SLC47A2: variants seen among roughly 807,000 people sequenced by gnomAD.
SLC47A2 encodes the protein solute carrier family 47 member 2, also known as multidrug and toxin extrusion protein 2.
A neutral mutation model predicts 67.7 loss-of-function variants in SLC47A2; 52 were observed. The observed-to-expected ratio is 0.77, with a 90% CI of 0.61 to 0.97. The LOEUF (loss-of-function observed/expected upper bound fraction) is 0.97. Ranked by LOEUF, SLC47A2 falls within the 50% of genes least tolerant of loss-of-function variation. The pLI is 0.00. For synonymous variants in SLC47A2, 278 were observed against 292.9 expected (o/e 0.95, Z 0.52); for missense variants, 676 against 712.3 (o/e 0.95, Z 0.58).
intron 11 of SLC47A2, among the ~76,000 whole-genome samples, chr17:19,703,723 G>A (rs984624124): frequency 9.9e-5 from 15 of 152,220 alleles, no homozygotes; most frequent in African/African-American, 3.4e-4. Flanking sequence ...CTGGACAGCT[G>A]GAAGGAGAGT....
intron 5 of SLC47A2, 28 bp from the exon 6 acceptor site, chr17:19,708,788 C>T (rs776847937): frequency 1.9e-6 from 3 of 1,613,642 alleles, no homozygotes; most frequent in South Asian, 2.2e-5. Flanking sequence ...CCAAACAAAT[C>T]AACAATAATG....
rs571828174 is a variant in SLC47A2, at chr17:19,685,921, C to T, written c.1165-4251G>A. On this transcript the variant is annotated intron_variant, in intron 13 of 16. Transcript: ENST00000433844. The surrounding 1 kb of genome is among the most constrained non-coding windows in gnomAD (Gnocchi z 4.5). ...TTAAAGTTTTTCTTAATTTTCTCTGCTTGTTTGTTTTTGCAATCAGTATTT... is the reference window on the plus strand; with the variant it reads ...TTAAAGTTTTTCTTAATTTTCTCTGTTTGTTTGTTTTTGCAATCAGTATTT... Among the ~76,000 whole-genome samples the T allele has an allele frequency of 2.0e-5, 3 of 152,204 alleles. No individual in the cohort carries two copies. Among genetic ancestry groups the T allele is most frequent in the African/African-American group, 7.2e-5 (3 of 41,522 alleles).
Position 19,702,694 on chromosome 17 carries a change from G to A in SLC47A2, c.1095-20C>T, listed in dbSNP as rs776115846. On this transcript the variant is annotated intron_variant, in intron 12 of 16. Coordinates refer to ENST00000433844, the MANE Select transcript of SLC47A2 (RefSeq NM_001099646.3). Reference sequence around the variant, plus strand: ...ACATCTCTGCAGAAGAAATGAGAAAGCATTAAGACACAGATGTATCCTTTG... The same window carrying A: ...ACATCTCTGCAGAAGAAATGAGAAAACATTAAGACACAGATGTATCCTTTG... 1.2e-5 allele frequency: 19 copies of A among 1,612,988 alleles called. No homozygotes were observed. Among genetic ancestry groups the A allele is most frequent in the Non-Finnish European group, 1.4e-5 (17 of 1,179,546 alleles).
chr17:19,704,157 C>A lies in SLC47A2; in HGVS notation c.931G>T (p.Gly311Trp). Residue 311 changes from glycine to tryptophan, a missense_variant, in exon 11 of 17, where the codon GGG becomes TGG. Gly to Trp is a radical substitution (Grantham distance 184). Transcript: ENST00000433844. Reference sequence around the variant, plus strand: ...GCCATCCCCACTCGGACACAGACCCCGATGCTGAGCCCCAAGGGAATCTGG... The same window carrying A: ...GCCATCCCCACTCGGACACAGACCCAGATGCTGAGCCCCAAGGGAATCTGG... ...TYMIPLGLSI[G>W]VCVRVGMALG... is the part of the protein sequence containing the mutation. 6.2e-7 allele frequency: 1 copy of A among 1,610,408 alleles called. No individual in the cohort carries two copies. The highest frequency in any genetic ancestry group is 8.5e-7 in the Non-Finnish European group (1 of 1,178,946).
intron 13 of SLC47A2, 81 bp from the exon 14 acceptor site, chr17:19,681,751 C>T: frequency 6.6e-7 from 1 of 1,513,736 alleles, no homozygotes. Flanking sequence ...CTGTGCTAAG[C>T]CATTCGCATG....
At chr17:19,708,842 G>A in intron 5 of SLC47A2, 82 bp from the exon 6 acceptor site, 1 of 1,518,482 alleles carries the variant, frequency 6.6e-7, no homozygotes, top group African/African-American at 1.4e-5. Context: ...TCCTTTCCAG[G>A]ACATAGTACC....
intron 2 of SLC47A2, 52 bp downstream of exon 2, chr17:19,715,064 G>T: frequency 6.3e-7 from 1 of 1,578,386 alleles, no homozygotes; most frequent in Non-Finnish European, 8.7e-7. Context: ...GGAACCCGGT[G>T]GAGAAGCCTG....
At chr17:19,715,059 C>T in intron 2 of SLC47A2, 57 bp downstream of exon 2, 1 of 1,572,664 alleles carries the variant, frequency 6.4e-7, no homozygotes, top group African/African-American at 1.3e-5. Context: ...ACCCGGGAAC[C>T]CGGTGGAGAA....
At position 19,685,697 on chromosome 17, in the gene SLC47A2, A is replaced by G. The variant is rs921773281; in HGVS notation, c.1165-4027T>C. On this transcript the variant is annotated intron_variant, in intron 13 of 16. Coordinates refer to ENST00000433844, the MANE Select transcript of SLC47A2 (RefSeq NM_001099646.3). The surrounding 1 kb of genome is among the most constrained non-coding windows in gnomAD (Gnocchi z 4.5). ...GCAGGGACCTCTGCCTAGGAAAACC[A>G]GAGACCTTTGTTCTGGTGTTTATCT... 2.0e-5 allele frequency among the ~76,000 whole-genome samples: 3 copies of G among 152,226 alleles called. No individual in the cohort carries two copies. Among genetic ancestry groups the G allele is most frequent in the Non-Finnish European group, 4.4e-5 (3 of 68,044 alleles).
chr17:19,703,154 C>A lies in SLC47A2; in HGVS notation c.1032G>T (p.Leu344=). The A allele has an allele frequency of 6.2e-7, 1 of 1,614,120 alleles. No homozygotes were observed. Among genetic ancestry groups the A allele is most frequent in the Non-Finnish European group, 8.5e-7 (1 of 1,180,032 alleles). ...GGATGCTTATCAGGGTGCCCAGGACCAGGGAAATGCCAACTGGAAGAGACA... is the reference window on the plus strand; with the variant it reads ...GGATGCTTATCAGGGTGCCCAGGACAAGGGAAATGCCAACTGGAAGAGACA... ...SGVLSIVGIS[L]VLGTLISILK... Residue 344 remains leucine (L), a synonymous_variant, in exon 12 of 17, where the codon CTG becomes CTT. Coordinates refer to ENST00000433844, the MANE Select transcript of SLC47A2 (RefSeq NM_001099646.3).
At position 19,715,134 on chromosome 17, in the gene SLC47A2, C is replaced by T. The variant is rs149511988; in HGVS notation, c.207G>A (p.Ser69=). ...TACTCACGGCCACCGCGAGGGTCACCGATGCCAGCTCCACCTTGCCCAGGT... is the reference window on the plus strand; with the variant it reads ...TACTCACGGCCACCGCGAGGGTCACTGATGCCAGCTCCACCTTGCCCAGGT... ...CGHLGKVELA[S]VTLAVAFVNV... Residue 69 remains serine, a synonymous_variant, in exon 2 of 17, where the codon TCG becomes TCA. Coordinates refer to ENST00000433844, the MANE Select transcript of SLC47A2 (RefSeq NM_001099646.3). 1.6e-3 allele frequency: 2,656 copies of T among 1,612,360 alleles called. 61 individuals are homozygous for T. The East Asian group carries it at 0.044, about 26-fold the overall frequency.
intron 13 of SLC47A2, among the ~76,000 whole-genome samples, chr17:19,682,744 TTTGCCTACCATGCA>T (rs2085344182): frequency 6.6e-6 from 1 of 152,238 alleles, no homozygotes; most frequent in African/African-American, 2.4e-5. Context: ...GGGCCATTAT[TTTGCCTACCATGCA>T]TGGCAAACAG....
upstream of SLC47A2, chr17:19,717,937 G>C (rs1415809102): frequency 6.6e-6 from 1 of 152,226 alleles, no homozygotes; most frequent in Admixed American, 6.5e-5. Flanking sequence ...CCTGCCTAGA[G>C]GAAAGAAGAC....
chr17:19,707,802 G>T lies in SLC47A2; in HGVS notation c.671C>A (p.Thr224Asn), dbSNP rs2085983819. 6.2e-7 allele frequency: 1 copy of T among 1,605,294 alleles called. No individual in the cohort carries two copies. The highest frequency in any genetic ancestry group is 1.3e-5 in the African/African-American group (1 of 74,770). Residue 224 changes from threonine to asparagine, a missense_variant, in exon 8 of 17, where the codon ACC becomes AAC. Transcript: ENST00000433844. ...CACAATGTAGAGAAGGAGGAAGACG[G>T]TCTGTGCAAACTGGGAGATGATGTT... is the stretch of plus-strand genomic sequence containing the variant. ...YANIISQFAQ[T>N]VFLLLYIVLK...
chr17:19,712,736 C>A lies in SLC47A2; in HGVS notation c.453G>T (p.Gln151His). The A allele has an allele frequency of 6.2e-7, 1 of 1,613,026 alleles. No individual in the cohort carries two copies. Among genetic ancestry groups the A allele is most frequent in the Non-Finnish European group, 8.5e-7 (1 of 1,179,722 alleles). The change falls in exon 5 of 17, where the codon CAG becomes CAT. Residue 151 changes from glutamine to histidine, a missense_variant. By Grantham distance (24) the Gln-to-His change is conservative. Coordinates refer to ENST00000433844, the MANE Select transcript of SLC47A2 (RefSeq NM_001099646.3). ...CTGGAATGAAAATCATTACATAGTC[C>A]TGGGTCAACCTGCAAGAGAGGGAGA... ...RQDPDVSRLT[Q>H]DYVMIFIPGL... is the part of the protein sequence containing the mutation.
chr17:19,711,255 C>T (rs896001391), intron 5 of SLC47A2, among the ~76,000 whole-genome samples: 103 of 152,004 alleles, frequency 6.8e-4, no homozygotes, highest in African/African-American at 2.3e-3. Flanking sequence ...AAGAGCTATT[C>T]ACATAATAAG....
At chr17:19,714,924 A>G in intron 2 of SLC47A2, 135 bp from the exon 3 acceptor site, 1 of 1,353,552 alleles carries the variant, frequency 7.4e-7, no homozygotes, top group Non-Finnish European at 1.0e-6. Context: ...CAGCAGCCTC[A>G]TGTGCTGTGT....
At chr17:19,706,372 T>C (rs1315647487) in intron 9 of SLC47A2, among the ~76,000 whole-genome samples, 1 of 152,228 alleles carries the variant, frequency 6.6e-6, no homozygotes. Context: ...GCCTGGCCCA[T>C]GCTGGGATTC....
intron 13 of SLC47A2, among the ~76,000 whole-genome samples, chr17:19,690,991 G>T (rs1338954730): frequency 1.3e-5 from 2 of 152,032 alleles, no homozygotes; most frequent in Non-Finnish European, 2.9e-5. Context: ...GCGTAGTGGT[G>T]CATGCCTATA....
Sources: gnomAD v4.1 joint callset for allele counts (sites outside exome capture counted in the v4.1 genomes callset) on GRCh38, gnomAD v4.1.1 for gene constraint, Gnocchi (gnomAD v3.1) non-coding constraint, MANE v1.5 for transcripts, NCBI Gene and HGNC (gene_info 2026-07-23, HGNC 2026-07-21) for gene names.